Variants in CHST6 observed in about 807,000 individuals in gnomAD.
The protein encoded by CHST6 is N-acetylglucosamine 6-O-sulfotransferase 5.
For synonymous variants in CHST6, 309 were observed against 276.4 expected (o/e 1.12, Z -1.17); for missense variants, 698 against 586.2 (o/e 1.19, Z -1.97).
rs114137383 is a variant in CHST6 at position 75,480,338 on chromosome 16, C to T, written c.-16-494G>A. Among the ~76,000 whole-genome samples, 906 of 152,252 alleles carry T rather than the reference C, an allele frequency of 6.0e-3. 12 individuals are homozygous for T. The highest frequency in any genetic ancestry group is 0.02 in the African/African-American group (833 of 41,536). On this transcript the variant is annotated intron_variant, in intron 2 of 2. Transcript: ENST00000332272. ...GTGGTCTTTTTCCTTTTTTAATCTC[C>T]CACACTACACTGACATACATAGCCT...
At chr16:75,481,577 T>C (rs1037709109) in intron 2 of CHST6, among the ~76,000 whole-genome samples, 23 of 152,030 alleles carry the variant, frequency 1.5e-4, no homozygotes, top group African/African-American at 5.1e-4. Context: ...GCCTGGGCAA[T>C]AGAGTGAGAC....
Position 75,479,769 on chromosome 16 carries a change from G to A in CHST6, c.60C>T (p.Phe20=). 1.9e-6 allele frequency: 3 copies of A among 1,597,478 alleles called. No homozygotes were observed. The highest frequency in any genetic ancestry group is 2.6e-6 in the Non-Finnish European group (3 of 1,173,074). Residue 20 remains phenylalanine, a synonymous_variant, in exon 3 of 3, where the codon TTC becomes TTT. Transcript: ENST00000332272. ...AVTALLLAQT[F]LLLFLVSRPG... is the part of the protein sequence containing the mutation. Reference sequence around the variant, plus strand: ...GCCGGGAAACCAGAAAGAGGAGGAGGAAGGTCTGCGCCAGGAGGAGCGCGG... The same window carrying A: ...GCCGGGAAACCAGAAAGAGGAGGAGAAAGGTCTGCGCCAGGAGGAGCGCGG...
rs1567409039 is a variant in CHST6, at chr16:75,479,143, T to TGGGCA, written c.685_686insTGCCC (p.Asn229MetfsTer154). ...GGGGTCGGCCTCCACCCACGTGCCG[T>TGGGCA]TGGTGCCCAGCACGATGCCGTTGTC... is the stretch of plus-strand genomic sequence containing the variant. On this transcript the variant is annotated frameshift_variant, in exon 3 of 3. Transcript: ENST00000332272. LOFTEE classifies it low-confidence loss of function (END_TRUNC). 6.2e-7 allele frequency: 1 copy of TGGGCA among 1,606,888 alleles called. No homozygotes were observed.
chr16:75,492,691 T>A (rs1354249158), intron 1 of CHST6, among the ~76,000 whole-genome samples: 3 of 151,792 alleles, frequency 2.0e-5, no homozygotes, highest in African/African-American at 7.3e-5. Flanking sequence ...CTTTACTAAA[T>A]ACACAAAAAG....
chr16:75,481,847 C>G lies in CHST6; in HGVS notation c.-47G>C, dbSNP rs537330126. 7 of 594,170 alleles carry G rather than the reference C, an allele frequency of 1.2e-5. No individual in the cohort carries two copies. 36.8% of individuals were successfully genotyped at this position (594,170 alleles called of 1,614,324 possible). A position where few individuals can be genotyped will look rare whatever the true frequency, so the allele number is the denominator to read the frequency against. ...TCCAGGGCTGCTGGGAGAGCTGCAA[C>G]GCTGATCACAAATCCATGGGAGATG... On this transcript the variant is annotated 5_prime_UTR_variant, in exon 2 of 3. Transcript: ENST00000332272.
At chr16:75,494,307 C>T (rs1164463840) in intron 1 of CHST6, among the ~76,000 whole-genome samples, 4 of 152,144 alleles carry the variant, frequency 2.6e-5, no homozygotes, top group Admixed American at 1.3e-4. Flanking sequence ...TGGAGAGGAG[C>T]CCAGCCCCAG....
chr16:75,486,331 A>G (rs780941971), intron 1 of CHST6, among the ~76,000 whole-genome samples: 2 of 152,244 alleles, frequency 1.3e-5, no homozygotes, highest in Non-Finnish European at 2.9e-5. Flanking sequence ...TGCACTGGAC[A>G]TGCTTGGTTC....
intron 1 of CHST6, among the ~76,000 whole-genome samples, chr16:75,493,050 T>C (rs1597486957): frequency 6.6e-6 from 1 of 152,112 alleles, no homozygotes; most frequent in East Asian, 1.9e-4. Context: ...ATCTTGTTCA[T>C]GTATTTCTGG....
chr16:75,479,150 C>A lies in CHST6; in HGVS notation c.679G>T (p.Gly227Cys). 6.2e-7 allele frequency: 1 copy of A among 1,607,240 alleles called. No homozygotes were observed. Among genetic ancestry groups the A allele is most frequent in the African/African-American group, 1.3e-5 (1 of 74,990 alleles). The change falls in exon 3 of 3, where the codon GGC becomes TGC. Residue 227 changes from glycine to cysteine, a missense_variant. Coordinates refer to ENST00000332272, the MANE Select transcript of CHST6 (RefSeq NM_021615.5). ...GCCTCCACCCACGTGCCGTTGGTGC[C>A]CAGCACGATGCCGTTGTCACGCGCC... The part of the protein sequence containing the change: ...ALARDNGIVL[G>C]TNGTWVEADP...
intron 1 of CHST6, among the ~76,000 whole-genome samples, chr16:75,489,034 C>A (rs1347844723): frequency 6.6e-6 from 1 of 151,940 alleles, no homozygotes; most frequent in African/African-American, 2.4e-5. Flanking sequence ...CTGATTTGAT[C>A]CTCACAGCAA....
chr16:75,485,125 A>C (rs1037774471), intron 1 of CHST6, among the ~76,000 whole-genome samples: 1 of 152,154 alleles, frequency 6.6e-6, no homozygotes, highest in Non-Finnish European at 1.5e-5. Context: ...TTTCAGGAGG[A>C]GGGTGGAACT....
chr16:75,488,118 C>A (rs1046880200), intron 1 of CHST6, among the ~76,000 whole-genome samples: 2 of 152,106 alleles, frequency 1.3e-5, no homozygotes, highest in African/African-American at 2.4e-5. Flanking sequence ...GGTATAGATC[C>A]CAGGTTTAGA....
rs1336793725 is a variant in CHST6, at chr16:75,475,624, C to T, written c.*3017G>A. 1 of 152,244 alleles carries T rather than the reference C, an allele frequency of 6.6e-6. No individual in the cohort carries two copies. Among genetic ancestry groups the T allele is most frequent in the Non-Finnish European group, 1.5e-5 (1 of 68,062 alleles). The allele number at this position is 152,244 out of a possible 1,614,324, so 9.4% of individuals were successfully genotyped here. A position where few individuals can be genotyped will look rare whatever the true frequency, so the allele number is the denominator to read the frequency against. On this transcript the variant is annotated 3_prime_UTR_variant, in exon 3 of 3. Coordinates refer to ENST00000332272, the MANE Select transcript of CHST6 (RefSeq NM_021615.5). Reference sequence around the variant, plus strand: ...CTTTACTGTGCCTAGTCAGCCAGGCCACTTTCTTTGTCCTGAAAGCTGACC... The same window carrying T: ...CTTTACTGTGCCTAGTCAGCCAGGCTACTTTCTTTGTCCTGAAAGCTGACC...
intron 2 of CHST6, among the ~76,000 whole-genome samples, chr16:75,480,250 TG>T (rs1173134370): frequency 6.6e-6 from 1 of 152,224 alleles, no homozygotes; most frequent in Non-Finnish European, 1.5e-5. Flanking sequence ...GTTGAACTGA[TG>T]GGCGCTCTGG....
At chr16:75,483,999 G>A (rs978329398) in intron 1 of CHST6, among the ~76,000 whole-genome samples, 7 of 151,926 alleles carry the variant, frequency 4.6e-5, no homozygotes, top group African/African-American at 1.7e-4. Context: ...ACTCCAGCCT[G>A]GAAAACGGAG....
rs750477461 is a variant in CHST6, at chr16:75,479,748, G to A, written c.81C>T (p.Ser27=). ...AQTFLLLFLV[S]RPGPSSPAGG... ...CTGCTGGGGACGAGGGCCCTGGCCG[G>A]GAAACCAGAAAGAGGAGGAGGAAGG... The change falls in exon 3 of 3, where the codon TCC becomes TCT. Residue 27 remains serine, a synonymous_variant. Transcript: ENST00000332272. 2 of 1,603,092 alleles carry A rather than the reference G, an allele frequency of 1.2e-6. No individual in the cohort carries two copies. Among genetic ancestry groups the A allele is most frequent in the Non-Finnish European group, 1.7e-6 (2 of 1,175,162 alleles).
At chr16:75,487,228 A>G (rs1022271746) in intron 1 of CHST6, among the ~76,000 whole-genome samples, 16 of 152,194 alleles carry the variant, frequency 1.1e-4, no homozygotes, top group African/African-American at 3.6e-4. Flanking sequence ...CCTAGGAAGG[A>G]GCTATGGTTC....
At chr16:75,489,685 C>T (rs1354549778) in intron 1 of CHST6, among the ~76,000 whole-genome samples, 2 of 151,968 alleles carry the variant, frequency 1.3e-5, no homozygotes, top group Non-Finnish European at 2.9e-5. Context: ...CAAATCATGT[C>T]TACAGAATGG....
In CHST6 at chr16:75,477,711, C is replaced by T. The variant is rs918488335; in HGVS notation, c.*930G>A. 5.2e-5 allele frequency: 8 copies of T among 152,482 alleles called. No individual in the cohort carries two copies. Among genetic ancestry groups the T allele is most frequent in the Admixed American group, 5.2e-4 (8 of 15,282 alleles). The allele number at this position is 152,482 out of a possible 1,614,324, so 9.4% of individuals were successfully genotyped here. On this transcript the variant is annotated 3_prime_UTR_variant, in exon 3 of 3. Transcript: ENST00000332272. The stretch of plus-strand genomic sequence containing the variant: ...GTGTGGCTCACAGGCAGGGATCATC[C>T]TCTGCTTTCCTCCAAGGCCTGGACC...
Sources: allele counts gnomAD v4.1 joint callset (sites outside exome capture counted in the v4.1 genomes callset), GRCh38; gene constraint gnomAD v4.1.1; transcripts MANE v1.5; gene names NCBI Gene and HGNC (gene_info 2026-07-23, HGNC 2026-07-21).